NALF1: variants seen among roughly 807,000 people sequenced by gnomAD.
NALF1 encodes family with sequence similarity 155 member A.
NALF1 carries 3 observed loss-of-function variants against 48.4 expected under a neutral mutation model. The observed-to-expected ratio is 0.06, with a 90% CI of 0.03 to 0.16. The LOEUF (loss-of-function observed/expected upper bound fraction) is 0.16, where lower values mean the gene tolerates loss of function less well. NALF1 is among the 10% of genes least tolerant of loss of function. The probability of loss-of-function intolerance (pLI) is 1.00; values close to 1 mark genes in which losing one functional copy is unlikely to be tolerated. For synonymous variants in NALF1, 262 were observed against 245.7 expected (o/e 1.07, Z -0.62); for missense variants, 526 against 571.5 (o/e 0.92, Z 0.81).
intron 1 of NALF1, among the ~76,000 whole-genome samples, chr13:107,739,758 A>T (rs1876578346): frequency 6.6e-6 from 1 of 152,162 alleles, no homozygotes; most frequent in Non-Finnish European, 1.5e-5. Flanking sequence ...CTTCATCTGT[A>T]TTTCCAGCTG....
At chr13:107,580,390 G>A (rs1012701622) in intron 1 of NALF1, among the ~76,000 whole-genome samples, 2 of 151,900 alleles carry the variant, frequency 1.3e-5, no homozygotes, top group Non-Finnish European at 2.9e-5. Context: ...CCTTTTTCAT[G>A]CCTGGAAAGC....
intron 1 of NALF1, among the ~76,000 whole-genome samples, chr13:107,538,405 C>T (rs762285953): frequency 2.8e-4 from 43 of 152,184 alleles, no homozygotes; most frequent in African/African-American, 5.8e-4. Context: ...AAGATTTAAT[C>T]GGCATAATCC....
intron 1 of NALF1, among the ~76,000 whole-genome samples, chr13:107,325,855 C>CTT (rs1882346404): frequency 1.9e-5 from 1 of 54,028 alleles, no homozygotes; most frequent in African/African-American, 6.2e-5. Context: ...CACACACACA[C>CTT]ATATATATAT....
rs541999666 is a variant in NALF1 at position 107,216,490 on chromosome 13, G to A, written c.916-5735C>T. Among the ~76,000 whole-genome samples the A allele has an allele frequency of 3.9e-5, 6 of 152,296 alleles. No individual in the cohort carries two copies. In the South Asian group the frequency reaches 6.2e-4, roughly 16 times the overall value. On this transcript the variant is annotated intron_variant, in intron 1 of 2. Coordinates refer to ENST00000375915, the MANE Select transcript of NALF1 (RefSeq NM_001080396.3). ...AGCTTAAGGATGGGCGGTAAGCAGC[G>A]CTCTGAGCTTCTTGATCCCTTGTGG...
intron 1 of NALF1, among the ~76,000 whole-genome samples, chr13:107,613,349 G>A (rs149909539): frequency 1.8e-4 from 27 of 152,270 alleles, no homozygotes; most frequent in Non-Finnish European, 2.9e-4. Context: ...GGCGGCCTCC[G>A]CAATAACCCT....
At chr13:107,279,091 T>C (rs1881338444) in intron 1 of NALF1, among the ~76,000 whole-genome samples, 1 of 146,434 alleles carries the variant, frequency 6.8e-6, no homozygotes, top group African/African-American at 2.5e-5. Context: ...CCTCAAACTC[T>C]GAATTTCTAC....
chr13:107,775,691 A>G (rs901501717), intron 1 of NALF1, among the ~76,000 whole-genome samples: 1 of 151,802 alleles, frequency 6.6e-6, no homozygotes, highest in Non-Finnish European at 1.5e-5. Flanking sequence ...AAGTGTTCCT[A>G]TTTCTCCACA....
At chr13:107,718,795 G>A (rs1875898982) in intron 1 of NALF1, among the ~76,000 whole-genome samples, 1 of 152,114 alleles carries the variant, frequency 6.6e-6, no homozygotes, top group African/African-American at 2.4e-5. Context: ...AGCTATTCAA[G>A]CTTGAACAAG....
rs71435242 is a variant in NALF1 at position 107,641,953 on chromosome 13, T to G, written c.915+223729A>C. Among the ~76,000 whole-genome samples the G allele has an allele frequency of 2.9e-3, 436 of 152,314 alleles. 2 individuals carry two copies. The Middle Eastern group carries it at 0.037, about 13-fold the overall frequency. On this transcript the variant is annotated intron_variant, in intron 1 of 2. Coordinates refer to ENST00000375915, the MANE Select transcript of NALF1 (RefSeq NM_001080396.3). ...ATCCAGATATCTCAGGGATGAGATT[T>G]GGCATCGGTAGCTTCTATATATAGC...
intron 1 of NALF1, among the ~76,000 whole-genome samples, chr13:107,828,659 G>A (rs929762372): frequency 2.1e-5 from 3 of 143,570 alleles, no homozygotes; most frequent in Non-Finnish European, 4.6e-5. Flanking sequence ...ATCTCCCACA[G>A]CAACAAACAT....
chr13:107,582,986 G>A (rs990193018), intron 1 of NALF1, among the ~76,000 whole-genome samples: 2 of 151,970 alleles, frequency 1.3e-5, no homozygotes, highest in African/African-American at 4.8e-5. Flanking sequence ...CCCCTCTCTG[G>A]AAGCTTTTGG....
In NALF1 at chr13:107,299,715, T is replaced by TATTTATTC. The variant is rs539301320; in HGVS notation, c.916-88961_916-88960insGAATAAAT. Among the ~76,000 whole-genome samples the TATTTATTC allele has an allele frequency of 1.9e-3, 272 of 146,442 alleles. 1 individual carries two copies. The highest frequency in any genetic ancestry group is 6.7e-3 in the African/African-American group (265 of 39,756). ...TTATTTATTTATTTATTTATTTATT[T>TATTTATTC]ATTCGATTATGTATTTGAATAACGT... On this transcript the variant is annotated intron_variant, in intron 1 of 2. Transcript: ENST00000375915.
At chr13:107,404,536 G>A (rs1883866667) in intron 1 of NALF1, among the ~76,000 whole-genome samples, 1 of 152,118 alleles carries the variant, frequency 6.6e-6, no homozygotes, top group African/African-American at 2.4e-5. Context: ...TTCCTAACAA[G>A]GTAATTATTT....
chr13:107,225,824 C>A (rs565454229), intron 1 of NALF1, among the ~76,000 whole-genome samples: 1 of 152,044 alleles, frequency 6.6e-6, no homozygotes. Flanking sequence ...TGCACACACA[C>A]GCACGCACAC....
chr13:107,658,248 T>C (rs1011409647), intron 1 of NALF1, among the ~76,000 whole-genome samples: 2 of 144,926 alleles, frequency 1.4e-5, no homozygotes, highest in Non-Finnish European at 3.1e-5. Context: ...AAAATTCTTA[T>C]CTATCTTTAA....
intron 1 of NALF1, among the ~76,000 whole-genome samples, chr13:107,734,864 G>C (rs1876421689): frequency 6.6e-6 from 1 of 152,092 alleles, no homozygotes; most frequent in East Asian, 1.9e-4. Context: ...CCCCAAATGA[G>C]TTCTCTTTTG....
chr13:107,733,784 T>C (rs575991549), intron 1 of NALF1, among the ~76,000 whole-genome samples: 2 of 152,236 alleles, frequency 1.3e-5, no homozygotes, highest in East Asian at 1.9e-4. Flanking sequence ...AAGCAAAAAA[T>C]TGTTGCTAGG....
At chr13:107,404,576 T>C (rs545132580) in intron 1 of NALF1, among the ~76,000 whole-genome samples, 1 of 152,168 alleles carries the variant, frequency 6.6e-6, no homozygotes, top group East Asian at 1.9e-4. Flanking sequence ...CTCATGAAAA[T>C]TGTAGGGAAC....
intron 1 of NALF1, among the ~76,000 whole-genome samples, chr13:107,369,313 T>C (rs997610806): frequency 2.0e-5 from 3 of 152,174 alleles, no homozygotes; most frequent in Non-Finnish European, 2.9e-5. Flanking sequence ...GTATCTTTCC[T>C]TATTACAAGG....
Sources: allele counts gnomAD v4.1 joint callset (sites outside exome capture counted in the v4.1 genomes callset), GRCh38; gene constraint gnomAD v4.1.1; transcripts MANE v1.5; gene names NCBI Gene and HGNC (gene_info 2026-07-23, HGNC 2026-07-21).